FAM184A: variants seen among roughly 807,000 people sequenced by gnomAD.
FAM184A encodes the protein family with sequence similarity 184 member A.
A neutral mutation model predicts 143.8 loss-of-function variants in FAM184A; 99 were observed. The ratio of observed to expected loss-of-function variants is 0.69; its 90% confidence interval spans 0.58 to 0.81. FAM184A has a LOEUF of 0.81. FAM184A is among the 40% of genes least tolerant of loss of function. FAM184A has a pLI of 0.00. For missense variants in FAM184A, 1,217 were observed against 1,310.5 expected (o/e 0.93, Z 1.10); for synonymous variants, 427 against 446.4 (o/e 0.96, Z 0.55).
At chr6:119,069,669 A>G (rs953294873) in intron 1 of FAM184A, among the ~76,000 whole-genome samples, 4 of 152,172 alleles carry the variant, frequency 2.6e-5, no homozygotes, top group Admixed American at 2.6e-4. Flanking sequence ...GTTTGGTCCA[A>G]TTTCCTATAT....
chr6:119,146,424 G>A (rs1235455105), intron 1 of FAM184A, among the ~76,000 whole-genome samples: 1 of 151,356 alleles, frequency 6.6e-6, no homozygotes, highest in Non-Finnish European at 1.5e-5. Flanking sequence ...GTGTGTGTGT[G>A]TGTGTGTGTG....
At chr6:118,969,539 C>T (rs1783605624) in intron 14 of FAM184A, among the ~76,000 whole-genome samples, 1 of 152,172 alleles carries the variant, frequency 6.6e-6, no homozygotes, top group African/African-American at 2.4e-5. Flanking sequence ...ATTCCGATAT[C>T]CATTTCAAGC....
At chr6:119,019,433 A>G (rs1785371256) in intron 4 of FAM184A, among the ~76,000 whole-genome samples, 1 of 152,222 alleles carries the variant, frequency 6.6e-6, no homozygotes, top group African/African-American at 2.4e-5. Flanking sequence ...TATTTTCAAA[A>G]TACTTAGACG....
rs747252745 is a variant in FAM184A, at chr6:118,974,587, T to C, written c.2769-13A>G. 2 of 1,578,770 alleles carry C rather than the reference T, an allele frequency of 1.3e-6. No individual in the cohort carries two copies. Among genetic ancestry groups the C allele is most frequent in the Admixed American group, 1.9e-5 (1 of 53,902 alleles). On this transcript the variant is annotated splice_polypyrimidine_tract_variant and intron_variant, in intron 13 of 17. Coordinates refer to ENST00000338891, the MANE Select transcript of FAM184A (RefSeq NM_024581.6). ...TTGTTCATGCAACCTGTTTGATTTA[T>C]TTTTAGTTAAGAAAATGTTATTCTG...
At chr6:118,970,008 A>ATATATTTTTTTTTTTTTTTT in intron 14 of FAM184A, among the ~76,000 whole-genome samples, 1 of 19,046 alleles carries the variant, frequency 5.3e-5, no homozygotes, top group Non-Finnish European at 1.1e-4. Context: ...ATATATATAT[A>ATATATTTTTTTTTTTTTTTT]TTTTTTTTTT....
intron 14 of FAM184A, among the ~76,000 whole-genome samples, chr6:118,969,993 A>AAAATAT (rs1554264562): frequency 9.4e-4 from 23 of 24,366 alleles, no homozygotes; most frequent in African/African-American, 3.3e-3. Flanking sequence ...ATATATATAT[A>AAAATAT]ATATATATAT....
upstream of FAM184A, among the ~76,000 whole-genome samples, chr6:119,079,515 A>G (rs774459970): frequency 1.8e-4 from 27 of 152,190 alleles, no homozygotes; most frequent in Non-Finnish European, 2.2e-4. Context: ...ATTTTCTCTT[A>G]ACATCTCTAC....
chr6:119,083,828 C>T (rs1000802194), intron 1 of FAM184A, among the ~76,000 whole-genome samples: 2 of 152,190 alleles, frequency 1.3e-5, no homozygotes, highest in African/African-American at 4.8e-5. Flanking sequence ...TGTTCCAGTT[C>T]TGCCTGTTAC....
intron 9 of FAM184A, among the ~76,000 whole-genome samples, chr6:118,982,722 C>T (rs115955079): frequency 9.0e-4 from 137 of 152,276 alleles, no homozygotes; most frequent in African/African-American, 2.9e-3. Flanking sequence ...TTTGCTGAAT[C>T]GACAGACCTC....
Position 119,106,148 on chromosome 6 carries a change from T to C in FAM184A, c.-202+42930A>G, listed in dbSNP as rs372071447. Among the ~76,000 whole-genome samples, 353 of 152,092 alleles carry C rather than the reference T, an allele frequency of 2.3e-3. 2 individuals carry two copies. The highest frequency in any genetic ancestry group is 8.4e-3 in the African/African-American group (347 of 41,488). On this transcript the variant is annotated intron_variant, in intron 1 of 16. Transcript: ENST00000352896. ...TGGCTCATGCCTGTAATCCCAGCAT[T>C]TTGGGAGGCCGAGGCGGGCGGATCA... is the stretch of plus-strand genomic sequence containing the variant.
Position 119,003,538 on chromosome 6 carries a change from C to T in FAM184A, c.1900G>A (p.Ala634Thr). The T allele has an allele frequency of 1.2e-6, 2 of 1,612,846 alleles. No homozygotes were observed. The highest frequency in any genetic ancestry group is 4.5e-5 in the East Asian group (2 of 44,740). ...GTCCACTTAATTTCTAAGTCATGGGCCATTTTGTCCACTTTGAGCTTCTCT... is the reference window on the plus strand; with the variant it reads ...GTCCACTTAATTTCTAAGTCATGGGTCATTTTGTCCACTTTGAGCTTCTCT... ...EEEKLKVDKM[A>T]HDLEIKWTEN... is the part of the protein sequence containing the mutation. Residue 634 changes from alanine (A) to threonine (T), a missense_variant, in exon 8 of 18, where the codon GCC (alanine) becomes ACC (threonine). Ala to Thr is a moderately conservative substitution (Grantham distance 58). Coordinates refer to ENST00000338891, the MANE Select transcript of FAM184A (RefSeq NM_024581.6).
chr6:119,110,449 G>C (rs1416762543), intron 1 of FAM184A, among the ~76,000 whole-genome samples: 2 of 152,148 alleles, frequency 1.3e-5, no homozygotes, highest in Non-Finnish European at 2.9e-5. Flanking sequence ...CATCTCGGCT[G>C]CAAGAGAGGT....
chr6:119,135,615 T>C (rs1473319829), intron 1 of FAM184A, among the ~76,000 whole-genome samples: 2 of 152,218 alleles, frequency 1.3e-5, no homozygotes, highest in African/African-American at 4.8e-5. Context: ...CATTCCTCCC[T>C]GTCAGAATAG....
At chr6:119,058,357 C>T (rs767807943) in intron 1 of FAM184A, among the ~76,000 whole-genome samples, 18 of 151,706 alleles carry the variant, frequency 1.2e-4, no homozygotes, top group African/African-American at 4.4e-4. Context: ...TGCGCCACCA[C>T]ATCTAGCTAA....
At chr6:119,054,175 G>A (rs1378663068) in intron 1 of FAM184A, among the ~76,000 whole-genome samples, 3 of 151,886 alleles carry the variant, frequency 2.0e-5, no homozygotes, top group South Asian at 2.1e-4. Context: ...TACAGAAAAC[G>A]AAAACACTGT....
intron 9 of FAM184A, among the ~76,000 whole-genome samples, chr6:118,981,576 G>A (rs899128922): frequency 4.6e-5 from 7 of 152,170 alleles, no homozygotes; most frequent in Admixed American, 1.3e-4. Flanking sequence ...GAGAAAAGGC[G>A]GGGAATCACT....
At position 119,006,307 on chromosome 6, in the gene FAM184A, T is replaced by C; in HGVS notation, c.1815+140A>G. On this transcript the variant is annotated intron_variant, in intron 7 of 17. Coordinates refer to ENST00000338891, the MANE Select transcript of FAM184A (RefSeq NM_024581.6). The stretch of plus-strand genomic sequence containing the variant: ...TTTCTGTTGTTTTAAATTCCCCAGT[T>C]TGTAGTACTTTGTTATGGTAGTTCT... 3 of 858,698 alleles carry C rather than the reference T, an allele frequency of 3.5e-6. No individual in the cohort carries two copies. In the South Asian group the frequency reaches 4.8e-5, roughly 14 times the overall value. The allele number at this position is 858,698 out of a possible 1,614,324, so 53.2% of individuals were successfully genotyped here.
chr6:119,027,622 T>A (rs1785703779), intron 1 of FAM184A, among the ~76,000 whole-genome samples: 1 of 152,156 alleles, frequency 6.6e-6, no homozygotes, highest in Non-Finnish European at 1.5e-5. Flanking sequence ...ATTCAGTAAC[T>A]TGTTAAACGA....
chr6:119,105,043 C>T (rs1410659230), intron 1 of FAM184A, among the ~76,000 whole-genome samples: 1 of 152,020 alleles, frequency 6.6e-6, no homozygotes, highest in African/African-American at 2.4e-5. Context: ...CCATCAAAGC[C>T]AAGGAGAGCC....
Sources: gnomAD v4.1 joint callset for allele counts (sites outside exome capture counted in the v4.1 genomes callset) on GRCh38, gnomAD v4.1.1 for gene constraint, MANE v1.5 for transcripts, NCBI Gene and HGNC (gene_info 2026-07-23, HGNC 2026-07-21) for gene names.